RHOD: variants seen among roughly 807,000 people sequenced by gnomAD.
RHOD encodes ras homolog family member D.
Under a neutral mutation model 16.7 loss-of-function variants are expected in RHOD, and 11 were observed. The ratio of observed to expected loss-of-function variants is 0.66; its 90% confidence interval spans 0.41 to 1.09. RHOD has a LOEUF of 1.09. RHOD is among the 50% of genes least tolerant of loss of function. The probability of loss-of-function intolerance (pLI) is 0.00; values close to 1 mark genes in which losing one functional copy is unlikely to be tolerated. For missense variants in RHOD, 271 were observed against 291.7 expected, an observed-to-expected ratio of 0.93 and a Z score of 0.52; for synonymous variants, 124 against 126.3, an observed-to-expected ratio of 0.98 and a Z score of 0.12.
intron 3 of RHOD, among the ~76,000 whole-genome samples, chr11:67,069,656 G>A (rs866063321): frequency 3.3e-5 from 5 of 151,154 alleles, no homozygotes; most frequent in African/African-American, 7.3e-5. Context: ...CACCGAGCCC[G>A]GCCTGGATTG....
chr11:67,061,423 G>A (rs969115237), intron 1 of RHOD, among the ~76,000 whole-genome samples: 2 of 152,014 alleles, frequency 1.3e-5, no homozygotes, highest in South Asian at 2.1e-4. Context: ...ACCTGAGGTC[G>A]GAAGTTCGAG....
intron 2 of RHOD, 44 bp downstream of exon 2, chr11:67,066,027 GC>G: frequency 7.3e-7 from 1 of 1,373,876 alleles, no homozygotes; most frequent in Non-Finnish European, 1.0e-6. Context: ...GCTTCTGTGG[GC>G]CCCTGATGCC....
intron 3 of RHOD, among the ~76,000 whole-genome samples, chr11:67,069,006 C>A: frequency 6.6e-6 from 1 of 151,992 alleles, no homozygotes; most frequent in East Asian, 1.9e-4. Flanking sequence ...CTCACTCTGT[C>A]TCCCAGGCTG....
intron 2 of RHOD, 45 bp from the exon 3 acceptor site, chr11:67,066,692 AG>A (rs1301468978): frequency 8.2e-7 from 1 of 1,224,662 alleles, no homozygotes; most frequent in African/African-American, 1.5e-5. Flanking sequence ...CAGTGCTGAC[AG>A]GGGCCAGGAG....
At chr11:67,066,678 G>A in intron 2 of RHOD, 60 bp from the exon 3 acceptor site, 1 of 1,073,566 alleles carries the variant, frequency 9.3e-7, no homozygotes, top group Non-Finnish European at 1.5e-6. Context: ...TCCTGACATT[G>A]GGGCAGTGCT....
intron 1 of RHOD, among the ~76,000 whole-genome samples, chr11:67,059,659 A>G (rs1197319102): frequency 6.6e-6 from 1 of 152,140 alleles, no homozygotes; most frequent in Non-Finnish European, 1.5e-5. Context: ...TGAGTCCAGA[A>G]CCCAGAGGCT....
At chr11:67,065,249 T>C (rs969686499) in intron 1 of RHOD, among the ~76,000 whole-genome samples, 9 of 152,178 alleles carry the variant, frequency 5.9e-5, no homozygotes, top group Admixed American at 5.2e-4. Context: ...CTAATTTTTG[T>C]ATTTTTAGTA....
At position 67,071,475 on chromosome 11, in the gene RHOD, T is replaced by G; in HGVS notation, c.506T>G (p.Leu169Arg). The change falls in exon 5 of 5, where the codon CTC becomes CGC. Residue 169 changes from leucine to arginine, a missense_variant. Physicochemically the swap from Leu to Arg is moderately radical, Grantham distance 102. Coordinates refer to ENST00000308831, the MANE Select transcript of RHOD (RefSeq NM_014578.4). ...AGGTCCGTGGGCGCGGTGGCCTACCTCGAGTGCTCGGCTCGGCTCCATGAC... is the reference window on the plus strand; with the variant it reads ...AGGTCCGTGGGCGCGGTGGCCTACCGCGAGTGCTCGGCTCGGCTCCATGAC... ...MARSVGAVAY[L>R]ECSARLHDNV... 3 of 1,606,648 alleles carry G rather than the reference T, an allele frequency of 1.9e-6. No individual in the cohort carries two copies. Among genetic ancestry groups the G allele is most frequent in the Non-Finnish European group, 2.5e-6 (3 of 1,177,520 alleles).
intron 3 of RHOD, among the ~76,000 whole-genome samples, chr11:67,067,481 C>T (rs187369209): frequency 1.3e-5 from 2 of 152,312 alleles, no homozygotes; most frequent in Admixed American, 6.5e-5. Flanking sequence ...TTTACTCCCC[C>T]GGCCAACCTT....
At chr11:67,066,963 C>T in intron 3 of RHOD, 116 bp downstream of exon 3, 1 of 759,206 alleles carries the variant, frequency 1.3e-6, no homozygotes, top group Non-Finnish European at 2.4e-6. Flanking sequence ...ATATTGATTC[C>T]AGAGCTTTTG....
intron 3 of RHOD, among the ~76,000 whole-genome samples, chr11:67,067,989 C>T (rs1021828085): frequency 6.6e-6 from 1 of 152,058 alleles, no homozygotes. Context: ...TTAGTAGAGA[C>T]GGGGTTTCAC....
intron 4 of RHOD, 109 bp from the exon 5 acceptor site, chr11:67,071,326 T>C (rs1855026698): frequency 9.3e-7 from 1 of 1,069,836 alleles, no homozygotes; most frequent in Admixed American, 3.3e-5. Flanking sequence ...ACGGGAGCCA[T>C]GGGTGCTCCG....
chr11:67,058,126 G>T (rs1854840964), intron 1 of RHOD, among the ~76,000 whole-genome samples: 1 of 152,130 alleles, frequency 6.6e-6, no homozygotes, highest in Non-Finnish European at 1.5e-5. Context: ...CTCCTAAGTA[G>T]CTGGGATTAC....
rs1342068297 is a variant in RHOD, at chr11:67,056,892, C to T, written c.-11C>T. ...AGCCGCCCGCCCGCCCGCTCAGCGC[C>T]CGGCCCCGGGATGACGGCGGCCCAG... is the stretch of plus-strand genomic sequence containing the variant. On this transcript the variant is annotated 5_prime_UTR_variant, in exon 1 of 5. Transcript: ENST00000308831. The T allele has an allele frequency of 7.1e-7, 1 of 1,411,610 alleles. No homozygotes were observed. The highest frequency in any genetic ancestry group is 3.4e-5 in the Admixed American group (1 of 29,218). The allele number at this position is 1,411,610 out of a possible 1,614,324, so 87.4% of individuals were successfully genotyped here. A position where few individuals can be genotyped will look rare whatever the true frequency, so the allele number is the denominator to read the frequency against.
At chr11:67,066,880 C>A in intron 3 of RHOD, 33 bp downstream of exon 3, 1 of 1,427,032 alleles carries the variant, frequency 7.0e-7, no homozygotes, top group Non-Finnish European at 9.9e-7. Context: ...GCATAGCCCC[C>A]ATAGCCAGGC....
Position 67,071,676 on chromosome 11 carries a change from C to T in RHOD, c.*74C>T, listed in dbSNP as rs1780154896. 2.8e-6 allele frequency: 4 copies of T among 1,421,376 alleles called. 1 individual carries two copies. Among genetic ancestry groups the T allele is most frequent in the South Asian group, 2.8e-5 (2 of 72,218 alleles). 88.0% of individuals were successfully genotyped at this position (1,421,376 alleles called of 1,614,324 possible). A position where few individuals can be genotyped will look rare whatever the true frequency, so the allele number is the denominator to read the frequency against. On this transcript the variant is annotated 3_prime_UTR_variant, in exon 5 of 5. Coordinates refer to ENST00000308831, the MANE Select transcript of RHOD (RefSeq NM_014578.4). ...GCTGCTGAGCTGGCTGGGCTGGACC[C>T]GGTCCCTAGGCTGTGACCGCCGAAC... is the stretch of plus-strand genomic sequence containing the variant.
intron 3 of RHOD, 27 bp downstream of exon 3, chr11:67,066,874 A>T: frequency 6.9e-7 from 1 of 1,444,124 alleles, no homozygotes; most frequent in Non-Finnish European, 9.8e-7. Flanking sequence ...AGGGAGGCAT[A>T]GCCCCCATAG....
chr11:67,071,160 C>T (rs2136250419), intron 4 of RHOD, among the ~76,000 whole-genome samples: 1 of 152,198 alleles, frequency 6.6e-6, no homozygotes, highest in South Asian at 2.1e-4. Context: ...TCACTTGAAC[C>T]CGGTTGGAGG....
Position 67,071,951 on chromosome 11 carries a change from G to A in RHOD, c.*349G>A. On this transcript the variant is annotated 3_prime_UTR_variant, in exon 5 of 5. Transcript: ENST00000308831. ...TAATGTTCTTAGGTCCCTCTGGCCA[G>A]AACCCACACCCGGCCCCTTCCCACC... is the stretch of plus-strand genomic sequence containing the variant. 1 of 272,558 alleles carries A rather than the reference G, an allele frequency of 3.7e-6. No homozygotes were observed. The highest frequency in any genetic ancestry group is 1.7e-4 in the South Asian group (1 of 6,044). 16.9% of individuals were successfully genotyped at this position (272,558 alleles called of 1,614,324 possible).
Sources: gnomAD v4.1 joint callset for allele counts (sites outside exome capture counted in the v4.1 genomes callset) on GRCh38, gnomAD v4.1.1 for gene constraint, MANE v1.5 for transcripts, NCBI Gene and HGNC (gene_info 2026-07-23, HGNC 2026-07-21) for gene names.